PLD5: variants seen among roughly 807,000 people sequenced by gnomAD.
The protein encoded by PLD5 is phospholipase D family member 5.
A neutral mutation model predicts 61.1 loss-of-function variants in PLD5; 36 were observed. That is an observed-to-expected ratio of 0.59 (90% CI 0.45 to 0.78). The LOEUF is 0.78. Among genes scored for constraint, PLD5 ranks in the 30% least tolerant of loss-of-function variants. The probability of loss-of-function intolerance (pLI) is 0.00; values close to 1 mark genes in which losing one functional copy is unlikely to be tolerated. For synonymous variants in PLD5, 243 were observed against 242.8 expected, an observed-to-expected ratio of 1.00 and a Z score of -0.01; for missense variants, 515 against 644.4, an observed-to-expected ratio of 0.80 and a Z score of 2.17.
chr1:242,396,824 T>G (rs534384384), intron 1 of PLD5, among the ~76,000 whole-genome samples: 1 of 151,926 alleles, frequency 6.6e-6, no homozygotes, highest in African/African-American at 2.4e-5. Context: ...GGACTACAGA[T>G]GTGTGCCACC....
At chr1:242,488,650 A>T (rs946993025) in intron 1 of PLD5, among the ~76,000 whole-genome samples, 1 of 152,176 alleles carries the variant, frequency 6.6e-6, no homozygotes, top group Non-Finnish European at 1.5e-5. Context: ...GGATATTATG[A>T]CGGTGGATAT....
chr1:242,525,589 A>G (rs954427746), upstream of PLD5, among the ~76,000 whole-genome samples: 3 of 152,054 alleles, frequency 2.0e-5, no homozygotes, highest in Middle Eastern at 3.2e-3. Context: ...TTTTGGTTTT[A>G]TCTAAATGCT....
intron 3 of PLD5, among the ~76,000 whole-genome samples, chr1:242,279,427 G>A (rs960098815): frequency 4.6e-5 from 7 of 152,236 alleles, no homozygotes; most frequent in Admixed American, 3.3e-4. Context: ...GGGCATAAGC[G>A]TATTTTAAAA....
At chr1:242,219,297 A>G (rs1383191521) in intron 5 of PLD5, among the ~76,000 whole-genome samples, 1 of 152,162 alleles carries the variant, frequency 6.6e-6, no homozygotes, top group East Asian at 1.9e-4. Context: ...TGGGGAAATA[A>G]TGGGCCGGGG....
At chr1:242,183,668 G>A (rs925320464) in intron 5 of PLD5, among the ~76,000 whole-genome samples, 1 of 152,170 alleles carries the variant, frequency 6.6e-6, no homozygotes, top group Non-Finnish European at 1.5e-5. Flanking sequence ...GGCCGAGGCA[G>A]GTGGATCATG....
chr1:242,369,904 AC>A (rs1427047441), intron 1 of PLD5, among the ~76,000 whole-genome samples: 1 of 152,198 alleles, frequency 6.6e-6, no homozygotes, highest in African/African-American at 2.4e-5. Flanking sequence ...CCCAAGTTTC[AC>A]AAATTACAGG....
At chr1:242,504,965 G>A (rs1446232987) in intron 1 of PLD5, among the ~76,000 whole-genome samples, 1 of 151,980 alleles carries the variant, frequency 6.6e-6, no homozygotes, top group African/African-American at 2.4e-5. Context: ...AGACCAGCCT[G>A]GACAACACAA....
At chr1:242,447,707 C>A (rs973307092) in intron 1 of PLD5, among the ~76,000 whole-genome samples, 1 of 152,184 alleles carries the variant, frequency 6.6e-6, no homozygotes, top group African/African-American at 2.4e-5. Context: ...CCATCGCACC[C>A]TTCCACAACT....
At chr1:242,359,331 A>C (rs899037073) in intron 1 of PLD5, among the ~76,000 whole-genome samples, 12 of 152,084 alleles carry the variant, frequency 7.9e-5, no homozygotes, top group Non-Finnish European at 1.6e-4. Context: ...AGCCCTGGGG[A>C]ATCCTGTGTG....
At chr1:242,513,417 T>C (rs1008167201) in intron 1 of PLD5, among the ~76,000 whole-genome samples, 1 of 123,802 alleles carries the variant, frequency 8.1e-6, no homozygotes, top group Admixed American at 8.1e-5. Context: ...AAACTTTCCA[T>C]TGAGGGCAGA....
chr1:242,312,364 T>TGAA (rs946151696), intron 2 of PLD5, among the ~76,000 whole-genome samples: 20 of 152,228 alleles, frequency 1.3e-4, no homozygotes, highest in Admixed American at 1.0e-3. Context: ...AGGCCCTCTG[T>TGAA]GAAGGCCTTT....
intron 1 of PLD5, among the ~76,000 whole-genome samples, chr1:242,374,502 G>A (rs1482194729): frequency 6.6e-6 from 1 of 151,994 alleles, no homozygotes; most frequent in Admixed American, 6.6e-5. Context: ...TTCTCCCCCA[G>A]GGCTTGTCAC....
intron 4 of PLD5, chr1:242,235,366 G>A (rs1421490599): frequency 1.3e-5 from 2 of 152,174 alleles, no homozygotes; most frequent in Non-Finnish European, 2.9e-5. Flanking sequence ...TAGAACTAGG[G>A]ATGAATGTTC....
At position 242,462,370 on chromosome 1, in the gene PLD5, G is replaced by T. The variant is rs114253346; in HGVS notation, c.189+61718C>A. On this transcript the variant is annotated intron_variant, in intron 1 of 9. Coordinates refer to ENST00000536534, the MANE Select transcript of PLD5 (RefSeq NM_001372062.1). ...TGCAGTTAGAAGCCATAATCCTAGAGGAATTAACACAGGAACAGAAAACCA... is the reference window on the plus strand; with the variant it reads ...TGCAGTTAGAAGCCATAATCCTAGATGAATTAACACAGGAACAGAAAACCA... 9.8e-3 allele frequency among the ~76,000 whole-genome samples: 1,486 copies of T among 152,136 alleles called. 30 individuals are homozygous for T. Among genetic ancestry groups the T allele is most frequent in the African/African-American group, 0.034 (1,416 of 41,484 alleles).
chr1:242,511,884 C>T (rs1174603410), intron 1 of PLD5, among the ~76,000 whole-genome samples: 1 of 152,172 alleles, frequency 6.6e-6, no homozygotes, highest in Non-Finnish European at 1.5e-5. Flanking sequence ...GATGCTTGTA[C>T]TATGTTTGCA....
intron 4 of PLD5, among the ~76,000 whole-genome samples, chr1:242,233,760 AT>A (rs1671462496): frequency 6.6e-6 from 1 of 152,178 alleles, no homozygotes; most frequent in African/African-American, 2.4e-5. Flanking sequence ...GAATGAGTGA[AT>A]GAATCAATGT....
intron 1 of PLD5, among the ~76,000 whole-genome samples, chr1:242,384,604 A>G (rs1260245476): frequency 1.3e-5 from 2 of 152,204 alleles, no homozygotes; most frequent in African/African-American, 4.8e-5. Context: ...TTTACACTTC[A>G]GCATGGTCTC....
At chr1:242,476,351 G>A (rs542889370) in intron 1 of PLD5, among the ~76,000 whole-genome samples, 13 of 150,756 alleles carry the variant, frequency 8.6e-5, no homozygotes, top group Admixed American at 5.9e-4. Flanking sequence ...GTGAAACTCC[G>A]TCTCAAAAAA....
intron 4 of PLD5, among the ~76,000 whole-genome samples, chr1:242,246,087 G>C (rs1463324308): frequency 1.3e-5 from 2 of 152,160 alleles, no homozygotes; most frequent in Non-Finnish European, 2.9e-5. Flanking sequence ...GAAGTTTCAA[G>C]AGGTTAAATA....
Sources: allele counts gnomAD v4.1 joint callset (sites outside exome capture counted in the v4.1 genomes callset), GRCh38; gene constraint gnomAD v4.1.1; transcripts MANE v1.5; gene names NCBI Gene and HGNC (gene_info 2026-07-23, HGNC 2026-07-21).